The following CFAP20DC variants were observed in gnomAD, a reference collection of about 807,000 sequenced individuals.
The protein encoded by CFAP20DC is protein CFAP20DC.
CFAP20DC carries 84 observed loss-of-function variants against 101.7 expected under a neutral mutation model. The observed-to-expected ratio is 0.83, with a 90% confidence interval of 0.69 to 0.99. The LOEUF (loss-of-function observed/expected upper bound fraction) is 0.99. CFAP20DC is among the 50% of genes least tolerant of loss of function. The probability of loss-of-function intolerance (pLI) is 0.00; values close to 1 mark genes in which losing one functional copy is unlikely to be tolerated. For synonymous variants in CFAP20DC, 359 were observed against 351.2 expected, an observed-to-expected ratio of 1.02 and a Z score of -0.25; for missense variants, 1,007 against 970.3, an observed-to-expected ratio of 1.04 and a Z score of -0.50.
At chr3:58,981,018 C>G (rs955661892) in intron 4 of CFAP20DC, among the ~76,000 whole-genome samples, 7 of 152,120 alleles carry the variant, frequency 4.6e-5, no homozygotes, top group South Asian at 2.1e-4. Flanking sequence ...TCTCAGGATA[C>G]AAAATCAATG....
At position 58,912,267 on chromosome 3, in the gene CFAP20DC, A is replaced by C. The variant is rs185449468; in HGVS notation, c.550+1441T>G. On this transcript the variant is annotated intron_variant, in intron 6 of 16. Transcript: ENST00000482387. This position sits in a 1 kb window ranked among gnomAD's most constrained non-coding sequence, Gnocchi z 4.4. The stretch of plus-strand genomic sequence containing the variant: ...GTTATGATTCACCTCCTATGATCTG[A>C]TGTACACTGCACAAATATTTCTATA... Among the ~76,000 whole-genome samples the C allele has an allele frequency of 1.9e-4, 29 of 152,228 alleles. No individual in the cohort carries two copies. Among genetic ancestry groups the C allele is most frequent in the African/African-American group, 6.7e-4 (28 of 41,544 alleles).
At chr3:59,009,273 C>A (rs1227018146) in intron 4 of CFAP20DC, among the ~76,000 whole-genome samples, 2 of 151,936 alleles carry the variant, frequency 1.3e-5, no homozygotes, top group Non-Finnish European at 2.9e-5. Flanking sequence ...AAAACAGGGT[C>A]CTACAATACC....
At position 58,996,980 on chromosome 3, in the gene CFAP20DC, G is replaced by C. The variant is rs151320449; in HGVS notation, c.278+42577C>G. 3.6e-3 allele frequency among the ~76,000 whole-genome samples: 548 copies of C among 152,332 alleles called. 2 individuals are homozygous for C. The highest frequency in any genetic ancestry group is 5.4e-3 in the Non-Finnish European group (368 of 68,026). ...TTCCTGTGTGGAATCTGGGATTCAA[G>C]CTGTGGTGGGAAGCACTCCAGGAGG... On this transcript the variant is annotated intron_variant, in intron 4 of 16. Coordinates refer to ENST00000482387, the MANE Select transcript of CFAP20DC (RefSeq NM_001394063.1).
intron 15 of CFAP20DC, among the ~76,000 whole-genome samples, chr3:58,775,535 G>T (rs2071247030): frequency 6.6e-6 from 1 of 151,964 alleles, no homozygotes; most frequent in South Asian, 2.1e-4. Flanking sequence ...AAAATAAATG[G>T]GAAAGAATTC....
intron 3 of CFAP20DC, among the ~76,000 whole-genome samples, chr3:58,723,917 G>T (rs372610081): frequency 6.6e-5 from 10 of 152,308 alleles, no homozygotes; most frequent in African/African-American, 2.4e-4. Flanking sequence ...ATATATGCCC[G>T]TGAATTCTGA....
chr3:58,815,153 A>T (rs1319725988), intron 14 of CFAP20DC, among the ~76,000 whole-genome samples: 1 of 151,256 alleles, frequency 6.6e-6, no homozygotes, highest in Non-Finnish European at 1.5e-5. Flanking sequence ...CTGGTACCAA[A>T]ACAGAGATAT....
intron 12 of CFAP20DC, among the ~76,000 whole-genome samples, chr3:58,850,112 T>A (rs1361235030): frequency 6.6e-6 from 1 of 152,148 alleles, no homozygotes; most frequent in Non-Finnish European, 1.5e-5. Flanking sequence ...TTTAAATTTT[T>A]AAAATCTGAT....
chr3:58,878,895 C>A (rs2080995179), intron 7 of CFAP20DC, among the ~76,000 whole-genome samples: 1 of 152,052 alleles, frequency 6.6e-6, no homozygotes, highest in Non-Finnish European at 1.5e-5. Flanking sequence ...GTAGTCCCAG[C>A]TACTCAGGAG....
At chr3:59,004,316 C>A (rs559194137) in intron 4 of CFAP20DC, among the ~76,000 whole-genome samples, 1 of 152,116 alleles carries the variant, frequency 6.6e-6, no homozygotes, top group South Asian at 2.1e-4. Context: ...TTGGAGGAAG[C>A]AAGAGACATA....
In CFAP20DC at chr3:58,970,996, T is replaced by C. The variant is rs76086012; in HGVS notation, c.279-33234A>G. Among the ~76,000 whole-genome samples, 408 of 152,278 alleles carry C rather than the reference T, an allele frequency of 2.7e-3. 1 individual carries two copies. Among genetic ancestry groups the C allele is most frequent in the African/African-American group, 9.2e-3 (384 of 41,560 alleles). On this transcript the variant is annotated intron_variant, in intron 4 of 16. Transcript: ENST00000482387. ...AGCATAAAAGTGAGAATTCAAATTA[T>C]ACATCTGTAACACCACCCACTCTCC... is the stretch of plus-strand genomic sequence containing the variant.
chr3:58,758,464 TCCA>T (rs1432437008), intron 15 of CFAP20DC, among the ~76,000 whole-genome samples: 1 of 152,130 alleles, frequency 6.6e-6, no homozygotes, highest in African/African-American at 2.4e-5. Flanking sequence ...TGCTTGCTGT[TCCA>T]CCATTTCCAT....
At chr3:59,018,155 T>C (rs2093728541) in intron 4 of CFAP20DC, 1 of 152,066 alleles carries the variant, frequency 6.6e-6, no homozygotes, top group African/African-American at 2.4e-5. Context: ...GATCAGATAA[T>C]TTTTGGAGGA....
intron 3 of CFAP20DC, among the ~76,000 whole-genome samples, chr3:59,044,987 G>GACACACACACACAC (rs57196071): frequency 1.4e-5 from 2 of 139,846 alleles, no homozygotes; most frequent in Non-Finnish European, 3.2e-5. Flanking sequence ...TCCTATTACA[G>GACACACACACACAC]ACACACACAC....
rs148320792 is a variant in CFAP20DC at position 58,927,435 on chromosome 3, C to T, written c.393+10213G>A. On this transcript the variant is annotated intron_variant, in intron 5 of 16. Coordinates refer to ENST00000482387, the MANE Select transcript of CFAP20DC (RefSeq NM_001394063.1). ...TGAAGCAAGAAGGGTCTGAGTCCAC[C>T]TGCATACCTTATGAGTACACAGAGG... is the stretch of plus-strand genomic sequence containing the variant. 7.9e-5 allele frequency among the ~76,000 whole-genome samples: 12 copies of T among 152,272 alleles called. No homozygotes were observed. In the East Asian group the frequency reaches 2.1e-3, roughly 27 times the overall value.
intron 16 of CFAP20DC, among the ~76,000 whole-genome samples, chr3:58,751,840 A>AAC (rs58961774): frequency 0.036 from 5,028 of 140,680 alleles, 121 homozygotes; most frequent in African/African-American, 0.074. Flanking sequence ...CCTCAGCTGT[A>AAC]ACACACACAC....
intron 15 of CFAP20DC, among the ~76,000 whole-genome samples, chr3:58,766,632 G>A (rs780156811): frequency 5.3e-5 from 8 of 152,160 alleles, no homozygotes; most frequent in African/African-American, 9.7e-5. Flanking sequence ...GAAAGACCAG[G>A]ACCATTACCT....
chr3:58,825,921 T>A (rs1440431096), intron 14 of CFAP20DC, among the ~76,000 whole-genome samples: 1 of 152,236 alleles, frequency 6.6e-6, no homozygotes, highest in African/African-American at 2.4e-5. Flanking sequence ...AATGACTAAT[T>A]TGTTATATCT....
intron 14 of CFAP20DC, among the ~76,000 whole-genome samples, chr3:58,819,172 G>A (rs1340357731): frequency 6.8e-6 from 1 of 148,116 alleles, no homozygotes; most frequent in Non-Finnish European, 1.5e-5. Context: ...AGCACTAAAT[G>A]CCCACAAGAG....
At chr3:58,980,321 C>T (rs143423657) in intron 4 of CFAP20DC, among the ~76,000 whole-genome samples, 1,750 of 152,124 alleles carry the variant, frequency 0.012, 36 homozygotes, top group African/African-American at 0.039. Flanking sequence ...TTCCAATCAA[C>T]AGAAAAAGAG....
Sources: allele counts gnomAD v4.1 joint callset (sites outside exome capture counted in the v4.1 genomes callset), GRCh38; gene constraint gnomAD v4.1.1; non-coding constraint Gnocchi (gnomAD v3.1); transcripts MANE v1.5; gene names NCBI Gene and HGNC (gene_info 2026-07-23, HGNC 2026-07-21).